Variants in CCDC60 observed in about 807,000 individuals in gnomAD.
The protein encoded by CCDC60 is coiled-coil domain-containing protein 60.
Under a neutral mutation model 63.5 loss-of-function variants are expected in CCDC60, and 54 were observed. That is an observed-to-expected ratio of 0.85 (90% CI 0.68 to 1.07). The LOEUF (loss-of-function observed/expected upper bound fraction) is 1.07. Ranked by LOEUF, CCDC60 falls within the 50% of genes least tolerant of loss-of-function variation. CCDC60 has a pLI of 0.00. For synonymous variants in CCDC60, 206 were observed against 238.8 expected, an observed-to-expected ratio of 0.86 and a Z score of 1.27; for missense variants, 651 against 684.3, an observed-to-expected ratio of 0.95 and a Z score of 0.54.
At chr12:119,353,704 T>G (rs890301445) in intron 1 of CCDC60, among the ~76,000 whole-genome samples, 3 of 146,992 alleles carry the variant, frequency 2.0e-5, no homozygotes, top group Admixed American at 7.1e-5. Flanking sequence ...GCCTCCAGGG[T>G]TCAAGCAATT....
intron 1 of CCDC60, among the ~76,000 whole-genome samples, chr12:119,360,871 T>C (rs1392887482): frequency 1.3e-5 from 2 of 152,140 alleles, no homozygotes; most frequent in Non-Finnish European, 2.9e-5. Context: ...AACCAGACTC[T>C]GTCTGCAATC....
Position 119,527,445 on chromosome 12 carries a change from AGG to A in CCDC60, c.1230-1168_1230-1167del, listed in dbSNP as rs1952707552. On this transcript the variant is annotated intron_variant, in intron 11 of 13. Transcript: ENST00000327554. The stretch of plus-strand genomic sequence containing the variant: ...TTTTAAAAAGTCATGCTGGAAAAGT[AGG>A]GTGGAAGGGAGTTTCAAGGAAAAGC... 2.6e-5 allele frequency among the ~76,000 whole-genome samples: 4 copies of A among 152,214 alleles called. No individual in the cohort carries two copies. In the South Asian group the frequency reaches 6.2e-4, roughly 24 times the overall value.
At chr12:119,408,589 C>T (rs1956535796) in intron 1 of CCDC60, among the ~76,000 whole-genome samples, 1 of 152,100 alleles carries the variant, frequency 6.6e-6, no homozygotes, top group South Asian at 2.1e-4. Context: ...TTTGGGAGGC[C>T]GAGGTGGGTG....
At chr12:119,502,513 C>A (rs1272695670) in intron 6 of CCDC60, among the ~76,000 whole-genome samples, 2 of 152,296 alleles carry the variant, frequency 1.3e-5, no homozygotes, top group South Asian at 2.1e-4. Flanking sequence ...AGGTTCAGTT[C>A]AATAAAAGGC....
chr12:119,371,601 G>A (rs1274319212), intron 1 of CCDC60, among the ~76,000 whole-genome samples: 1 of 152,228 alleles, frequency 6.6e-6, no homozygotes, highest in East Asian at 1.9e-4. Flanking sequence ...TTCTGAGCCT[G>A]AGGTTTTCCC....
intron 1 of CCDC60, among the ~76,000 whole-genome samples, chr12:119,385,546 C>T (rs1432805225): frequency 2.6e-5 from 4 of 152,216 alleles, no homozygotes; most frequent in Admixed American, 6.5e-5. Flanking sequence ...TGCCTTTTGC[C>T]TTCCATCATG....
In CCDC60 at chr12:119,335,204, C is replaced by T; in HGVS notation, c.28C>T (p.Leu10Phe). 1.2e-6 allele frequency: 2 copies of T among 1,607,370 alleles called. No individual in the cohort carries two copies. Among genetic ancestry groups the T allele is most frequent in the Middle Eastern group, 1.7e-4 (1 of 6,056 alleles). The change falls in exon 1 of 14, where the codon CTT (leucine) becomes TTT (phenylalanine). Residue 10 changes from leucine (L) to phenylalanine (F), a missense_variant. By Grantham distance (22) the Leu-to-Phe change is conservative. Coordinates refer to ENST00000327554, the MANE Select transcript of CCDC60 (RefSeq NM_178499.5). MTKVPATKK[L>F]QSSPNSGAVR... ...GACCAAGGTTCCAGCCACCAAGAAGCTTCAGAGTTCCCCCAACTCGGGGGC... is the reference window on the plus strand; with the variant it reads ...GACCAAGGTTCCAGCCACCAAGAAGTTTCAGAGTTCCCCCAACTCGGGGGC...
intron 2 of CCDC60, among the ~76,000 whole-genome samples, chr12:119,432,620 G>A (rs1384901716): frequency 6.6e-6 from 1 of 152,198 alleles, no homozygotes; most frequent in African/African-American, 2.4e-5. Context: ...GGCTGTTGAT[G>A]AGATAGACGC....
intron 1 of CCDC60, among the ~76,000 whole-genome samples, chr12:119,349,059 G>A (rs11612489): frequency 0.078 from 11,902 of 152,214 alleles, 610 homozygotes; most frequent in Non-Finnish European, 0.11. Context: ...TTTTACAGAT[G>A]AGGAAGCCTG....
intron 1 of CCDC60, among the ~76,000 whole-genome samples, chr12:119,360,742 G>A (rs940910324): frequency 5.9e-5 from 9 of 152,146 alleles, no homozygotes; most frequent in African/African-American, 2.2e-4. Context: ...ATGGCAGCCG[G>A]GCAGAGGCTG....
rs1446240403 is a variant in CCDC60, at chr12:119,524,167, G to C, written c.1229+349G>C. 5.9e-5 allele frequency among the ~76,000 whole-genome samples: 9 copies of C among 152,294 alleles called. No homozygotes were observed. In the East Asian group the frequency reaches 1.5e-3, roughly 26 times the overall value. On this transcript the variant is annotated intron_variant, in intron 11 of 13. Transcript: ENST00000327554. Reference sequence around the variant, plus strand: ...TGAGGAAGAGCCAGCAGTGTGATGAGAAGGTGGAATGACATTCCAGGTAGA... The same window carrying C: ...TGAGGAAGAGCCAGCAGTGTGATGACAAGGTGGAATGACATTCCAGGTAGA...
At chr12:119,455,566 A>G (rs1040386585) in intron 2 of CCDC60, among the ~76,000 whole-genome samples, 1 of 152,126 alleles carries the variant, frequency 6.6e-6, no homozygotes, top group African/African-American at 2.4e-5. Context: ...GCAGAGAGAA[A>G]GAAAAGCATG....
intron 1 of CCDC60, among the ~76,000 whole-genome samples, chr12:119,342,629 T>C (rs7977458): frequency 0.08 from 12,187 of 152,218 alleles, 638 homozygotes; most frequent in Middle Eastern, 0.18. Context: ...CAAAGAGCTG[T>C]GGGGGTGAGG....
intron 2 of CCDC60, among the ~76,000 whole-genome samples, chr12:119,452,051 TA>T (rs986850684): frequency 2.0e-5 from 3 of 152,324 alleles, no homozygotes; most frequent in African/African-American, 7.2e-5. Context: ...AGAATGAGTA[TA>T]ATATGGTGTC....
intron 1 of CCDC60, among the ~76,000 whole-genome samples, chr12:119,409,934 C>G (rs1956562994): frequency 6.6e-6 from 1 of 152,072 alleles, no homozygotes; most frequent in Non-Finnish European, 1.5e-5. Context: ...ACCTTAACTT[C>G]CAATTCCATC....
intron 2 of CCDC60, among the ~76,000 whole-genome samples, chr12:119,450,054 C>A (rs1219752119): frequency 6.6e-6 from 1 of 152,034 alleles, no homozygotes; most frequent in Non-Finnish European, 1.5e-5. Flanking sequence ...ATGATTGGAC[C>A]AAGAAAATGT....
At chr12:119,533,856 G>A (rs1357823654) in intron 13 of CCDC60, among the ~76,000 whole-genome samples, 1 of 152,176 alleles carries the variant, frequency 6.6e-6, no homozygotes, top group Non-Finnish European at 1.5e-5. Context: ...GTAGTGTGAT[G>A]CCTCCAGCTT....
intron 2 of CCDC60, among the ~76,000 whole-genome samples, chr12:119,471,596 G>A (rs1313047265): frequency 6.6e-6 from 1 of 151,940 alleles, no homozygotes; most frequent in Non-Finnish European, 1.5e-5. Context: ...GAGGCTCAGA[G>A]AGATTCAAGG....
intron 1 of CCDC60, among the ~76,000 whole-genome samples, chr12:119,427,764 A>T (rs373401101): frequency 2.0e-5 from 3 of 152,324 alleles, no homozygotes; most frequent in African/African-American, 7.2e-5. Context: ...AAATTTCAAG[A>T]CAAGATAATC....
Sources: gnomAD v4.1 joint callset for allele counts (sites outside exome capture counted in the v4.1 genomes callset) on GRCh38, gnomAD v4.1.1 for gene constraint, MANE v1.5 for transcripts, NCBI Gene and HGNC (gene_info 2026-07-23, HGNC 2026-07-21) for gene names.